ERO1A: variants seen among roughly 807,000 people sequenced by gnomAD.
The protein encoded by ERO1A is endoplasmic reticulum oxidoreductase 1 alpha, also known as ERO1-like protein alpha.
ERO1A carries 49 observed loss-of-function variants against 76.9 expected under a neutral mutation model. The ratio of observed to expected loss-of-function variants is 0.64; its 90% CI spans 0.51 to 0.81. The LOEUF is 0.81. Ranked by LOEUF, ERO1A falls within the 30% of genes least tolerant of loss-of-function variation. The pLI is 0.00. For synonymous variants in ERO1A, 174 were observed against 181.2 expected (o/e 0.96, Z 0.32); for missense variants, 448 against 542.1 (o/e 0.83, Z 1.72).
rs1414994725 is a variant in ERO1A, at chr14:52,640,456, A to G, written c.*3114T>C. On this transcript the variant is annotated 3_prime_UTR_variant, in exon 16 of 16. Coordinates refer to ENST00000395686, the MANE Select transcript of ERO1A (RefSeq NM_014584.3). The stretch of plus-strand genomic sequence containing the variant: ...AAGTGTAAGTCTGTTTCACCAGAAC[A>G]TTCGGTGGAGGAAACACATCAGAAG... 2 of 152,236 alleles carry G rather than the reference A, an allele frequency of 1.3e-5. No homozygotes were observed. The highest frequency in any genetic ancestry group is 2.4e-5 in the African/African-American group (1 of 41,464). The allele number at this position is 152,236 out of a possible 1,614,324, so 9.4% of individuals were successfully genotyped here.
intron 1 of ERO1A, among the ~76,000 whole-genome samples, chr14:52,691,812 T>C (rs1046401477): frequency 2.6e-5 from 4 of 152,226 alleles, no homozygotes; most frequent in African/African-American, 9.6e-5. Flanking sequence ...AGTAAGAGTT[T>C]ACAAACATCG....
intron 11 of ERO1A, 70 bp from the exon 12 acceptor site, chr14:52,653,385 T>G (rs1304263602): frequency 8.0e-7 from 1 of 1,243,010 alleles, no homozygotes; most frequent in African/African-American, 1.5e-5. Context: ...TATTAGGTTA[T>G]TCATGCCTAT....
chr14:52,646,590 A>G (rs2039665564), intron 13 of ERO1A, 129 bp from the exon 14 acceptor site: 2 of 630,070 alleles, frequency 3.2e-6, no homozygotes, highest in Non-Finnish European at 5.6e-6. Context: ...GAACAGCACT[A>G]ATATTCATTG....
intron 1 of ERO1A, among the ~76,000 whole-genome samples, chr14:52,687,838 C>G (rs1293276479): frequency 1.3e-5 from 2 of 152,120 alleles, no homozygotes; most frequent in African/African-American, 2.4e-5. Context: ...AGTTGAGGAA[C>G]AGTAAATAGG....
intron 7 of ERO1A, 163 bp from the exon 8 acceptor site, chr14:52,664,010 A>G: frequency 2.1e-6 from 1 of 484,396 alleles, no homozygotes; most frequent in South Asian, 3.1e-5. Flanking sequence ...GAGGGTGGCT[A>G]TTTGTTGTAG....
chr14:52,646,045 TAAAC>T (rs2039642428), intron 15 of ERO1A, 105 bp downstream of exon 15: 4 of 1,266,078 alleles, frequency 3.2e-6, no homozygotes, highest in Non-Finnish European at 4.3e-6. Flanking sequence ...CAAAAATAAA[TAAAC>T]AAATAAAATA....
intron 11 of ERO1A, among the ~76,000 whole-genome samples, chr14:52,654,759 T>C (rs927976676): frequency 2.6e-5 from 4 of 152,238 alleles, no homozygotes; most frequent in African/African-American, 4.8e-5. Context: ...TTCCTAGTTA[T>C]CTTTAGTTTT....
At chr14:52,671,484 A>C (rs1594829150) in intron 6 of ERO1A, 146 bp downstream of exon 6, 1 of 560,990 alleles carries the variant, frequency 1.8e-6, no homozygotes, top group Non-Finnish European at 3.1e-6. Flanking sequence ...GGATTCAAAT[A>C]CCTGGGCTCC....
intron 4 of ERO1A, among the ~76,000 whole-genome samples, chr14:52,674,895 T>C (rs1488021483): frequency 6.6e-6 from 1 of 152,214 alleles, no homozygotes; most frequent in Non-Finnish European, 1.5e-5. Flanking sequence ...TAAAAGCACA[T>C]ATAAACAAAT....
Position 52,683,874 on chromosome 14 carries a change from C to A in ERO1A, c.148G>T (p.Val50Phe). The change falls in exon 2 of 16, where the codon GTT (valine) becomes TTT (phenylalanine). Residue 50 changes from valine (V) to phenylalanine (F), a missense_variant. By Grantham distance (50) the Val-to-Phe change is conservative. Coordinates refer to ENST00000395686, the MANE Select transcript of ERO1A (RefSeq NM_014584.3). ...TTATTAAATCTATCAATGGTTTCAA[C>A]ATCACAGGTACAATCATCCAAGTAA... ...SGYLDDCTCD[V>F]ETIDRFNNYR... is the part of the protein sequence containing the mutation. The A allele has an allele frequency of 1.3e-6, 2 of 1,590,782 alleles. No individual in the cohort carries two copies. The highest frequency in any genetic ancestry group is 1.7e-6 in the Non-Finnish European group (2 of 1,164,664).
At chr14:52,689,762 T>G (rs1014777284) in intron 1 of ERO1A, among the ~76,000 whole-genome samples, 26 of 152,148 alleles carry the variant, frequency 1.7e-4, no homozygotes, top group Non-Finnish European at 3.5e-4. Context: ...CAATGGCATT[T>G]TTCACAAAAA....
At chr14:52,692,208 A>G (rs954081981) in intron 1 of ERO1A, among the ~76,000 whole-genome samples, 1 of 152,206 alleles carries the variant, frequency 6.6e-6, no homozygotes, top group Non-Finnish European at 1.5e-5. Context: ...TGGAAGTGTC[A>G]CACCTTTAAT....
In ERO1A at chr14:52,642,431, G is replaced by A. The variant is rs980090791; in HGVS notation, c.*1139C>T. ...ACTATACACATCAAGCATAAAACGG[G>A]CAACAAAACTCAAAAAGAACTTTAG... is the stretch of plus-strand genomic sequence containing the variant. On this transcript the variant is annotated 3_prime_UTR_variant, in exon 16 of 16. Transcript: ENST00000395686. The A allele has an allele frequency of 3.3e-5, 5 of 151,844 alleles. No individual in the cohort carries two copies. Among genetic ancestry groups the A allele is most frequent in the African/African-American group, 1.2e-4 (5 of 41,334 alleles). 9.4% of individuals were successfully genotyped at this position (151,844 alleles called of 1,614,324 possible).
chr14:52,648,521 A>G (rs1044707638), intron 13 of ERO1A, among the ~76,000 whole-genome samples: 7 of 152,178 alleles, frequency 4.6e-5, no homozygotes, highest in Non-Finnish European at 7.4e-5. Context: ...AAATTTCCAA[A>G]TGGATAGAAA....
intron 11 of ERO1A, among the ~76,000 whole-genome samples, chr14:52,657,543 G>C (rs1036659364): frequency 3.9e-5 from 6 of 152,124 alleles, no homozygotes; most frequent in African/African-American, 1.4e-4. Context: ...AGCAGGAAAG[G>C]CTTTTACCCA....
Position 52,693,684 on chromosome 14 carries a change from A to G in ERO1A, c.114+1684T>C, listed in dbSNP as rs111657585. On this transcript the variant is annotated intron_variant, in intron 1 of 15. Transcript: ENST00000395686. ...TCTTTTTTTAATTTTTTTTGTAGAG[A>G]CGGGGGTTTCACTATGTTGCCCGTG... 5.3e-5 allele frequency among the ~76,000 whole-genome samples: 8 copies of G among 151,494 alleles called. 2 individuals are homozygous for G. Among genetic ancestry groups the G allele is most frequent in the African/African-American group, 1.9e-4 (8 of 41,238 alleles).
At position 52,682,122 on chromosome 14, in the gene ERO1A, A is replaced by T. The variant is rs1056939165; in HGVS notation, c.318+203T>A. Among the ~76,000 whole-genome samples the T allele has an allele frequency of 3.3e-5, 5 of 151,960 alleles. No individual in the cohort carries two copies. In the South Asian group the frequency reaches 6.2e-4, roughly 19 times the overall value. On this transcript the variant is annotated intron_variant, in intron 3 of 15. Coordinates refer to ENST00000395686, the MANE Select transcript of ERO1A (RefSeq NM_014584.3). ...TAAAAAGTTGTAATGGGCTGGGTGC[A>T]GTGGCTCACACCTGTAATCCCAGCA...
In ERO1A at chr14:52,683,833, T is replaced by C. The variant is rs1473349993; in HGVS notation, c.189A>G (p.Pro63=). The change falls in exon 2 of 16, where the codon CCA becomes CCG. Residue 63 remains proline, a synonymous_variant. Coordinates refer to ENST00000395686, the MANE Select transcript of ERO1A (RefSeq NM_014584.3). The stretch of plus-strand genomic sequence containing the variant: ...CACTTTCAAGAAGTTTTTGTAGTCT[T>C]GGGAAAAGCCTGTAGTTATTAAATC... ...IDRFNNYRLF[P]RLQKLLESDY... The C allele has an allele frequency of 1.3e-6, 2 of 1,575,106 alleles. No homozygotes were observed. Among genetic ancestry groups the C allele is most frequent in the Non-Finnish European group, 1.7e-6 (2 of 1,152,000 alleles).
chr14:52,677,280 A>G (rs777548790), intron 4 of ERO1A, among the ~76,000 whole-genome samples: 5 of 152,204 alleles, frequency 3.3e-5, no homozygotes, highest in Non-Finnish European at 7.3e-5. Flanking sequence ...CTTAACATCA[A>G]GAAAAAAGAG....
Sources: gnomAD v4.1 joint callset for allele counts (sites outside exome capture counted in the v4.1 genomes callset) on GRCh38, gnomAD v4.1.1 for gene constraint, MANE v1.5 for transcripts, NCBI Gene and HGNC (gene_info 2026-07-23, HGNC 2026-07-21) for gene names.